NAV3: variants seen among roughly 807,000 people sequenced by gnomAD.
The protein encoded by NAV3 is pore membrane and/or filament interacting like protein 1.
A neutral mutation model predicts 244.7 loss-of-function variants in NAV3; 87 were observed. That is an observed-to-expected ratio of 0.36 (90% CI 0.30 to 0.42). NAV3 has a LOEUF of 0.42. NAV3 is among the 20% of genes least tolerant of loss of function. The probability of loss-of-function intolerance (pLI) is 1.00; values close to 1 mark genes in which losing one functional copy is unlikely to be tolerated. For synonymous variants in NAV3, 1,126 were observed against 1,042.2 expected (o/e 1.08, Z -1.55); for missense variants, 2,663 against 2,893.3 (o/e 0.92, Z 1.83).
At chr12:78,027,466 G>A (rs957154787) in intron 9 of NAV3, among the ~76,000 whole-genome samples, 1 of 146,966 alleles carries the variant, frequency 6.8e-6, no homozygotes, top group South Asian at 2.2e-4. Context: ...GTGGGGGGCC[G>A]GGGGAGAAGA....
chr12:77,965,042 C>T (rs1278712530), intron 3 of NAV3, among the ~76,000 whole-genome samples: 1 of 151,988 alleles, frequency 6.6e-6, no homozygotes, highest in Non-Finnish European at 1.5e-5. Flanking sequence ...TCTGTGTGTC[C>T]TCATGCATAG....
chr12:77,952,708 C>T (rs551585224), intron 3 of NAV3, among the ~76,000 whole-genome samples: 1 of 152,168 alleles, frequency 6.6e-6, no homozygotes, highest in African/African-American at 2.4e-5. Flanking sequence ...TCTGCTTCTC[C>T]CTTCCCTATG....
intron 2 of NAV3, among the ~76,000 whole-genome samples, chr12:77,682,614 C>T (rs556391459): frequency 1.3e-5 from 2 of 152,286 alleles, no homozygotes; most frequent in African/African-American, 4.8e-5. Flanking sequence ...TGTACATTCA[C>T]ACCAACCATG....
chr12:77,849,821 C>T (rs1339681459), intron 1 of NAV3, among the ~76,000 whole-genome samples: 2 of 152,072 alleles, frequency 1.3e-5, no homozygotes. Context: ...AGCGATGCTA[C>T]CCCAATCCAA....
chr12:78,210,092 C>T (rs770197559), intron 39 of NAV3, among the ~76,000 whole-genome samples: 49 of 152,178 alleles, frequency 3.2e-4, no homozygotes, highest in Non-Finnish European at 5.3e-4. Flanking sequence ...TTTCCAGCAA[C>T]GAACCCAGAT....
chr12:77,901,969 A>G (rs1394029566), intron 1 of NAV3, among the ~76,000 whole-genome samples: 1 of 152,184 alleles, frequency 6.6e-6, no homozygotes, highest in Non-Finnish European at 1.5e-5. Flanking sequence ...TATATGCTTA[A>G]TAGTACTTGG....
chr12:78,013,282 G>A (rs1875623698), intron 8 of NAV3, among the ~76,000 whole-genome samples: 1 of 152,118 alleles, frequency 6.6e-6, no homozygotes, highest in Non-Finnish European at 1.5e-5. Flanking sequence ...CAAGGGGCAA[G>A]CTCAAAGAGA....
At chr12:77,988,060 C>G (rs528635660) in intron 5 of NAV3, among the ~76,000 whole-genome samples, 1 of 152,152 alleles carries the variant, frequency 6.6e-6, no homozygotes, top group Non-Finnish European at 1.5e-5. Context: ...TTGGAATATG[C>G]TGTTTGACTT....
intron 2 of NAV3, among the ~76,000 whole-genome samples, chr12:77,738,282 T>C (rs1445874383): frequency 6.6e-6 from 1 of 152,196 alleles, no homozygotes; most frequent in African/African-American, 2.4e-5. Flanking sequence ...GGAGTGAAAA[T>C]GCCAAATCCT....
At chr12:77,734,558 C>A (rs1027130731) in intron 2 of NAV3, among the ~76,000 whole-genome samples, 3 of 152,066 alleles carry the variant, frequency 2.0e-5, no homozygotes, top group African/African-American at 7.2e-5. Context: ...TTTAAAGATG[C>A]GTATTTTGTT....
At chr12:77,595,189 T>C (rs1314188647) in intron 2 of NAV3, among the ~76,000 whole-genome samples, 2 of 151,986 alleles carry the variant, frequency 1.3e-5, no homozygotes, top group Non-Finnish European at 2.9e-5. Context: ...GATAAAGACA[T>C]TGTAGTATGT....
intron 2 of NAV3, among the ~76,000 whole-genome samples, chr12:77,659,748 G>A (rs1056400339): frequency 6.6e-6 from 1 of 152,034 alleles, no homozygotes; most frequent in Non-Finnish European, 1.5e-5. Context: ...AAGAAAATGT[G>A]GCACATATAC....
In NAV3 at chr12:78,118,120, G is replaced by C. The variant is rs771132176; in HGVS notation, c.2863G>C (p.Gly955Arg). The C allele has an allele frequency of 2.5e-6, 4 of 1,614,102 alleles. No individual in the cohort carries two copies. The highest frequency in any genetic ancestry group is 3.4e-6 in the Non-Finnish European group (4 of 1,180,024). The change falls in exon 14 of 40, where the codon GGG becomes CGG. Residue 955 changes from glycine (G) to arginine (R), a missense_variant. Gly to Arg is a moderately radical substitution (Grantham distance 125). Coordinates refer to ENST00000397909, the MANE Select transcript of NAV3 (RefSeq NM_001024383.2). Reference sequence around the variant, plus strand: ...ACCAGAAGAAGATTTTGACAGCCATGGGGATGCTGGTGGCAAGTGGAAGAC... The same window carrying C: ...ACCAGAAGAAGATTTTGACAGCCATCGGGATGCTGGTGGCAAGTGGAAGAC... ...KKPEEDFDSH[G>R]DAGGKWKTVS...
intron 16 of NAV3, among the ~76,000 whole-genome samples, chr12:78,126,299 C>A (rs1321553609): frequency 1.3e-5 from 2 of 152,100 alleles, no homozygotes; most frequent in Non-Finnish European, 1.5e-5. Context: ...TTATGCGTAT[C>A]CTGTGTATTT....
intron 3 of NAV3, among the ~76,000 whole-genome samples, chr12:77,957,002 C>G (rs866926242): frequency 6.6e-6 from 1 of 152,120 alleles, no homozygotes; most frequent in Non-Finnish European, 1.5e-5. Context: ...CTCAGCCTCC[C>G]AAGGTGCTGG....
intron 1 of NAV3, among the ~76,000 whole-genome samples, chr12:77,939,102 T>C (rs1006366247): frequency 2.6e-5 from 4 of 152,146 alleles, no homozygotes; most frequent in Admixed American, 2.6e-4. Flanking sequence ...TTATTATTAT[T>C]ACTTTTTTAA....
At chr12:78,164,311 T>C (rs1476884464) in intron 23 of NAV3, among the ~76,000 whole-genome samples, 3 of 152,018 alleles carry the variant, frequency 2.0e-5, no homozygotes, top group African/African-American at 7.2e-5. Context: ...GAAGCTCAGA[T>C]ATTGACTCCT....
chr12:77,792,574 A>G (rs1418487802), intron 2 of NAV3, among the ~76,000 whole-genome samples: 1 of 152,198 alleles, frequency 6.6e-6, no homozygotes, highest in Non-Finnish European at 1.5e-5. Context: ...GCTAAGGGAT[A>G]CCACGAGAAG....
chr12:77,609,322 C>T (rs565121323), intron 2 of NAV3, among the ~76,000 whole-genome samples: 1 of 152,158 alleles, frequency 6.6e-6, no homozygotes, highest in South Asian at 2.1e-4. Flanking sequence ...CATTTAAGCT[C>T]CTACAACTCC....
Sources: gnomAD v4.1 joint callset for allele counts (sites outside exome capture counted in the v4.1 genomes callset) on GRCh38, gnomAD v4.1.1 for gene constraint, MANE v1.5 for transcripts, NCBI Gene and HGNC (gene_info 2026-07-23, HGNC 2026-07-21) for gene names.